PHACTR1: variants seen among roughly 807,000 people sequenced by gnomAD.
PHACTR1 encodes RPEL repeat containing 1.
A neutral mutation model predicts 69.2 loss-of-function variants in PHACTR1; 16 were observed. The ratio of observed to expected loss-of-function variants is 0.23; its 90% CI spans 0.16 to 0.35. PHACTR1 has a LOEUF of 0.35. PHACTR1 is among the 10% of genes least tolerant of loss of function. The pLI, the probability that PHACTR1 is intolerant of heterozygous loss-of-function variation, is 1.00. For synonymous variants in PHACTR1, 312 were observed against 284.5 expected (o/e 1.10, Z -0.97); for missense variants, 510 against 734.7 (o/e 0.69, Z 3.54).
chr6:13,177,172 TAAAAAAAAAAAAAAA>T lies in PHACTR1; in HGVS notation c.497-5330_497-5316del, dbSNP rs530741132. Among the ~76,000 whole-genome samples the T allele has an allele frequency of 6.3e-5, 4 of 63,376 alleles. 1 individual carries two copies. The highest frequency in any genetic ancestry group is 1.0e-4 in the African/African-American group (1 of 9,782). 41.6% of individuals were successfully genotyped at this position (63,376 alleles called of 152,430 possible). A position where few individuals can be genotyped will look rare whatever the true frequency, so the allele number is the denominator to read the frequency against. On this transcript the variant is annotated intron_variant, in intron 6 of 14. Transcript: ENST00000332995. ...TGGCAAAATAGCAAGACCCCATCTC[TAAAAAAAAAAAAAAA>T]AAAAAAAAAAAAAAAATCCAGGCAT...
At chr6:12,738,510 A>T (rs1211039400) in intron 3 of PHACTR1, among the ~76,000 whole-genome samples, 1 of 152,098 alleles carries the variant, frequency 6.6e-6, no homozygotes, top group Non-Finnish European at 1.5e-5. Context: ...CAAACTGATG[A>T]TTTTTCAACT....
rs1584427115 is a variant in PHACTR1, at chr6:13,280,260, T to G, written c.1509+1931T>G. 2.0e-5 allele frequency: 3 copies of G among 152,444 alleles called. No individual in the cohort carries two copies. The South Asian group carries it at 6.2e-4, about 31-fold the overall frequency. 9.4% of individuals were successfully genotyped at this position (152,444 alleles called of 1,614,324 possible). A position where few individuals can be genotyped will look rare whatever the true frequency, so the allele number is the denominator to read the frequency against. On this transcript the variant is annotated intron_variant, in intron 12 of 14. Transcript: ENST00000332995. ...CAAATAATTGCCTCTCTGTTCCTGCTCACCTCTCCTTTCTTCTCCCAGGGA... is the reference window on the plus strand; with the variant it reads ...CAAATAATTGCCTCTCTGTTCCTGCGCACCTCTCCTTTCTTCTCCCAGGGA...
intron 3 of PHACTR1, among the ~76,000 whole-genome samples, chr6:12,732,420 C>G (rs1035504009): frequency 1.3e-5 from 2 of 151,878 alleles, no homozygotes; most frequent in South Asian, 2.1e-4. Flanking sequence ...CATAGGTATA[C>G]GTGTGTCATG....
Position 12,861,719 on chromosome 6 carries a change from C to G in PHACTR1, c.250+111929C>G, listed in dbSNP as rs558157187. Among the ~76,000 whole-genome samples, 429 of 152,258 alleles carry G rather than the reference C, an allele frequency of 2.8e-3. 1 individual carries two copies. The highest frequency in any genetic ancestry group is 5.0e-3 in the Non-Finnish European group (340 of 68,022). On this transcript the variant is annotated intron_variant, in intron 4 of 14. Transcript: ENST00000332995. ...TTAGACTGCAATTAACCATACTCTC[C>G]CATATATAAATACTATGTAGGACAT...
In PHACTR1 at chr6:13,287,316, C is replaced by CCG. The variant is rs1554189048; in HGVS notation, c.*238_*239insCG. On this transcript the variant is annotated 3_prime_UTR_variant, in exon 15 of 15. Coordinates refer to ENST00000332995, the MANE Select transcript of PHACTR1 (RefSeq NM_030948.6). Reference sequence around the variant, plus strand: ...TGACACCAAAATGCATCCCAACCCCCGGCAGTGCCAAGGGCACCAGCAGGG... The same window carrying CCG: ...TGACACCAAAATGCATCCCAACCCCCCGGGCAGTGCCAAGGGCACCAGCAGGG... 3.6e-6 allele frequency: 2 copies of CCG among 552,754 alleles called. No individual in the cohort carries two copies. The highest frequency in any genetic ancestry group is 3.9e-5 in the African/African-American group (2 of 51,930). The allele number at this position is 552,754 out of a possible 1,614,324, so 34.2% of individuals were successfully genotyped here.
chr6:12,740,989 T>G (rs918806606), intron 3 of PHACTR1, among the ~76,000 whole-genome samples: 6 of 152,046 alleles, frequency 3.9e-5, no homozygotes, highest in Non-Finnish European at 7.4e-5. Flanking sequence ...ACTCCTAAAA[T>G]TTTTAATTTC....
chr6:12,764,059 T>C (rs1317805053), intron 4 of PHACTR1, among the ~76,000 whole-genome samples: 1 of 152,156 alleles, frequency 6.6e-6, no homozygotes, highest in Non-Finnish European at 1.5e-5. Context: ...ATGGTGACAC[T>C]AATTTGGAGA....
chr6:13,180,758 C>T (rs537947248), intron 6 of PHACTR1, among the ~76,000 whole-genome samples: 2 of 152,166 alleles, frequency 1.3e-5, no homozygotes, highest in Admixed American at 6.5e-5. Flanking sequence ...TCTGTTTGAA[C>T]ATGCTAAATA....
chr6:13,262,682 C>A (rs1315760293), intron 10 of PHACTR1, among the ~76,000 whole-genome samples: 1 of 152,208 alleles, frequency 6.6e-6, no homozygotes, highest in Non-Finnish European at 1.5e-5. Flanking sequence ...GGATAGAATT[C>A]AGTGCTTCTC....
intron 4 of PHACTR1, among the ~76,000 whole-genome samples, chr6:12,822,059 G>A (rs1229669087): frequency 6.6e-6 from 1 of 152,190 alleles, no homozygotes; most frequent in Non-Finnish European, 1.5e-5. Flanking sequence ...AAACCCCCAG[G>A]AGAGTTTATC....
In PHACTR1 at chr6:13,005,223, C is replaced by T. The variant is rs558438688; in HGVS notation, c.251-48142C>T. The stretch of plus-strand genomic sequence containing the variant: ...CTTTTTTTTTTAGACAAGTTCTCAC[C>T]GTTGCCTAGGCTGACCTTGAACTTA... On this transcript the variant is annotated intron_variant, in intron 4 of 14. Transcript: ENST00000332995. Among the ~76,000 whole-genome samples, 9 of 151,184 alleles carry T rather than the reference C, an allele frequency of 6.0e-5. No homozygotes were observed. The South Asian group carries it at 6.3e-4, about 11-fold the overall frequency.
At chr6:13,184,714 G>A (rs1018474295) in intron 7 of PHACTR1, 163 of 1,106,242 alleles carry the variant, frequency 1.5e-4, no homozygotes, top group Non-Finnish European at 1.8e-4. Flanking sequence ...TTGCCAGCCC[G>A]AGTCCCTGTC....
chr6:12,827,544 T>A (rs996934607), intron 4 of PHACTR1, among the ~76,000 whole-genome samples: 5 of 152,202 alleles, frequency 3.3e-5, no homozygotes, highest in African/African-American at 1.2e-4. Flanking sequence ...TAATTTGAAA[T>A]GACCACCACA....
intron 4 of PHACTR1, among the ~76,000 whole-genome samples, chr6:12,964,194 G>A (rs1035392901): frequency 6.6e-6 from 1 of 152,084 alleles, no homozygotes; most frequent in Non-Finnish European, 1.5e-5. Flanking sequence ...TAAAGACAAG[G>A]TATTGTGCAA....
intron 4 of PHACTR1, among the ~76,000 whole-genome samples, chr6:12,948,996 C>T (rs565672152): frequency 4.6e-5 from 7 of 152,080 alleles, no homozygotes; most frequent in African/African-American, 1.7e-4. Flanking sequence ...ATGGGCCAGG[C>T]GCAATGGCTC....
intron 5 of PHACTR1, among the ~76,000 whole-genome samples, chr6:13,057,675 G>C (rs1376859522): frequency 6.6e-6 from 1 of 152,068 alleles, no homozygotes; most frequent in Non-Finnish European, 1.5e-5. Flanking sequence ...CTTATACAAG[G>C]GGACACTCAG....
At chr6:12,799,780 G>A (rs1270804235) in intron 4 of PHACTR1, among the ~76,000 whole-genome samples, 1 of 152,156 alleles carries the variant, frequency 6.6e-6, no homozygotes, top group East Asian at 1.9e-4. Flanking sequence ...TGAAATAAAG[G>A]TGGATTCTTA....
intron 4 of PHACTR1, among the ~76,000 whole-genome samples, chr6:12,972,810 C>G (rs903467505): frequency 6.6e-6 from 1 of 152,136 alleles, no homozygotes; most frequent in Non-Finnish European, 1.5e-5. Context: ...CGCCACCACA[C>G]TGGCTAATTT....
intron 5 of PHACTR1, among the ~76,000 whole-genome samples, chr6:13,072,084 A>G (rs575912314): frequency 6.6e-6 from 1 of 152,374 alleles, no homozygotes; most frequent in Non-Finnish European, 1.5e-5. Context: ...TGTTGTTACA[A>G]CAAGGATGAT....
Sources: allele counts gnomAD v4.1 joint callset (sites outside exome capture counted in the v4.1 genomes callset), GRCh38; gene constraint gnomAD v4.1.1; transcripts MANE v1.5; gene names NCBI Gene and HGNC (gene_info 2026-07-23, HGNC 2026-07-21).